SUPT3H: variants seen among roughly 807,000 people sequenced by gnomAD.
The protein encoded by SUPT3H is transcription initiation protein SPT3 homolog.
Under a neutral mutation model 44.3 loss-of-function variants are expected in SUPT3H, and 44 were observed. That is an observed-to-expected ratio of 0.99 (90% confidence interval 0.78 to 1.28). The LOEUF (loss-of-function observed/expected upper bound fraction) is 1.28. Ranked by LOEUF, SUPT3H falls within the 50% of genes most tolerant of loss-of-function variation. The pLI, the probability that SUPT3H is intolerant of heterozygous loss-of-function variation, is 0.00. For synonymous variants in SUPT3H, 124 were observed against 125.6 expected, an observed-to-expected ratio of 0.99 and a Z score of 0.09; for missense variants, 380 against 387.1, an observed-to-expected ratio of 0.98 and a Z score of 0.15.
intron 6 of SUPT3H, among the ~76,000 whole-genome samples, chr6:44,963,488 TCAAA>T (rs529527828): frequency 2.2e-3 from 340 of 152,174 alleles, no homozygotes; most frequent in African/African-American, 4.8e-3. Context: ...AGACTCCGTC[TCAAA>T]CAAACAAACA....
At chr6:45,345,351 C>T (rs563104467) in intron 2 of SUPT3H, among the ~76,000 whole-genome samples, 163 of 152,238 alleles carry the variant, frequency 1.1e-3, no homozygotes, top group African/African-American at 3.7e-3. Flanking sequence ...TTATTATATG[C>T]ATCTCTGCAG....
chr6:44,890,770 T>G (rs866029212), intron 10 of SUPT3H, among the ~76,000 whole-genome samples: 1 of 141,642 alleles, frequency 7.1e-6, no homozygotes. Flanking sequence ...ATAATAATAA[T>G]AAAAAAAAAA....
At chr6:45,330,818 T>C (rs1169498167) in intron 2 of SUPT3H, among the ~76,000 whole-genome samples, 2 of 151,826 alleles carry the variant, frequency 1.3e-5, no homozygotes, top group Admixed American at 1.3e-4. Context: ...GAAGCCTGAA[T>C]AGAGAACTTA....
At chr6:45,376,750 G>C (rs967015950) in intron 1 of SUPT3H, among the ~76,000 whole-genome samples, 1 of 152,170 alleles carries the variant, frequency 6.6e-6, no homozygotes, top group Admixed American at 6.5e-5. Context: ...AATTCCCCAA[G>C]TTTTGTCCTT....
intron 10 of SUPT3H, among the ~76,000 whole-genome samples, chr6:44,847,958 C>CTTTTT (rs969869912): frequency 1.0e-4 from 6 of 58,350 alleles, no homozygotes; most frequent in African/African-American, 1.4e-4. Flanking sequence ...ATCTCTGTGT[C>CTTTTT]TTTTTTTTTT....
intron 2 of SUPT3H, among the ~76,000 whole-genome samples, chr6:45,248,425 A>G (rs72858507): frequency 0.035 from 5,301 of 152,260 alleles, 123 homozygotes; most frequent in Non-Finnish European, 0.056. Context: ...TATCCAGTAA[A>G]TAAAAAAGGA....
chr6:44,836,803 T>C (rs1351045290), intron 10 of SUPT3H, among the ~76,000 whole-genome samples: 1 of 152,216 alleles, frequency 6.6e-6, no homozygotes, highest in East Asian at 1.9e-4. Context: ...AGGTTTTTTG[T>C]AAATATTATC....
chr6:45,217,393 T>A (rs1584314905), intron 2 of SUPT3H, among the ~76,000 whole-genome samples: 2 of 150,146 alleles, frequency 1.3e-5, no homozygotes, highest in East Asian at 1.9e-4. Context: ...GACAATCACT[T>A]GAACCCAGGA....
intron 2 of SUPT3H, among the ~76,000 whole-genome samples, chr6:45,124,957 C>T (rs534955607): frequency 6.6e-6 from 1 of 152,032 alleles, no homozygotes; most frequent in Admixed American, 6.6e-5. Context: ...AATATGAAGA[C>T]GGAGGAAGAA....
At chr6:44,950,047 A>G (rs969022953) in intron 9 of SUPT3H, among the ~76,000 whole-genome samples, 4 of 152,242 alleles carry the variant, frequency 2.6e-5, no homozygotes, top group Admixed American at 6.5e-5. Flanking sequence ...ACTCACCAAC[A>G]TGAGAATGCA....
chr6:44,870,784 T>A (rs1360914518), intron 10 of SUPT3H, among the ~76,000 whole-genome samples: 1 of 150,568 alleles, frequency 6.6e-6, no homozygotes, highest in Non-Finnish European at 1.5e-5. Context: ...CAGGCCAGTG[T>A]GTGCGCGCAC....
At chr6:44,870,738 G>C (rs559045632) in intron 10 of SUPT3H, among the ~76,000 whole-genome samples, 7 of 151,358 alleles carry the variant, frequency 4.6e-5, no homozygotes, top group East Asian at 1.9e-4. Flanking sequence ...CTGAGGTACC[G>C]GGTTCATCTC....
chr6:44,922,023 G>A (rs1768807842), intron 10 of SUPT3H, among the ~76,000 whole-genome samples: 1 of 152,234 alleles, frequency 6.6e-6, no homozygotes, highest in African/African-American at 2.4e-5. Context: ...TTGGGCATAT[G>A]CCCAGAGCTG....
chr6:45,345,094 C>T lies in SUPT3H; in HGVS notation c.101+20107G>A, dbSNP rs374776464. Among the ~76,000 whole-genome samples, 7 of 152,100 alleles carry T rather than the reference C, an allele frequency of 4.6e-5. No homozygotes were observed. In the East Asian group the frequency reaches 7.7e-4, roughly 17 times the overall value. On this transcript the variant is annotated intron_variant, in intron 2 of 10. Coordinates refer to ENST00000371459, the MANE Select transcript of SUPT3H (RefSeq NM_003599.4). ...AGAGGAGAAACTACCCACTCATCTG[C>T]GCTGCCTCACATGGATGTTTTGAGA...
Position 45,115,919 on chromosome 6 carries a change from T to C in SUPT3H, c.102-9913A>G, listed in dbSNP as rs1205322384. Among the ~76,000 whole-genome samples the C allele has an allele frequency of 2.0e-5, 3 of 152,128 alleles. No homozygotes were observed. In the East Asian group the frequency reaches 5.8e-4, roughly 29 times the overall value. ...GCCACCAGAACCAGGAACAGACTCA[T>C]TCCAGTAAACACACCCTTGAGTGCC... On this transcript the variant is annotated intron_variant, in intron 2 of 10. Transcript: ENST00000371459.
chr6:45,263,276 A>T (rs1470755688), intron 2 of SUPT3H, among the ~76,000 whole-genome samples: 1 of 152,212 alleles, frequency 6.6e-6, no homozygotes, highest in Non-Finnish European at 1.5e-5. Context: ...AATGTGGTAC[A>T]TACACACCAT....
chr6:44,927,543 T>C (rs1042334119), intron 10 of SUPT3H, among the ~76,000 whole-genome samples: 2 of 152,146 alleles, frequency 1.3e-5, no homozygotes, highest in Non-Finnish European at 2.9e-5. Context: ...ACTTTATAAA[T>C]TAGGTCACCC....
chr6:45,033,525 C>T, intron 3 of SUPT3H, among the ~76,000 whole-genome samples: 1 of 152,092 alleles, frequency 6.6e-6, no homozygotes, highest in Non-Finnish European at 1.5e-5. Context: ...GGCTTACAGA[C>T]TGATTACTTT....
At chr6:44,839,318 TA>T (rs1269001657) in intron 10 of SUPT3H, among the ~76,000 whole-genome samples, 122 of 119,212 alleles carry the variant, frequency 1.0e-3, no homozygotes, top group African/African-American at 3.4e-3. Flanking sequence ...TCACTATTAT[TA>T]TTATTTTTTT....
Sources: gnomAD v4.1 joint callset for allele counts (sites outside exome capture counted in the v4.1 genomes callset) on GRCh38, gnomAD v4.1.1 for gene constraint, MANE v1.5 for transcripts, NCBI Gene and HGNC (gene_info 2026-07-23, HGNC 2026-07-21) for gene names.